The following DYSF variants were observed in gnomAD, a reference collection of about 807,000 sequenced individuals.
The protein encoded by DYSF is dysferlin.
DYSF carries 212 observed loss-of-function variants against 274.9 expected under a neutral mutation model. The ratio of observed to expected loss-of-function variants is 0.77; its 90% confidence interval spans 0.69 to 0.86. The LOEUF is 0.86. DYSF is among the 40% of genes least tolerant of loss of function. The probability of loss-of-function intolerance (pLI) is 0.00; values close to 1 mark genes in which losing one functional copy is unlikely to be tolerated. For missense variants in DYSF, 2,666 were observed against 2,783.2 expected (o/e 0.96, Z 0.95); for synonymous variants, 1,091 against 1,078.7 (o/e 1.01, Z -0.22).
At position 71,480,818 on chromosome 2, in the gene DYSF, C is replaced by T. The variant is rs2082819991; in HGVS notation, c.92-65C>T. On this transcript the variant is annotated intron_variant, in intron 1 of 55. Transcript: ENST00000410020. ...TGAAGCACAGGTCTCAGAAGCTGAG[C>T]CTAACTCAGCGGAAGGTGAAAGGCG... The T allele has an allele frequency of 2.8e-6, 4 of 1,452,354 alleles. No individual in the cohort carries two copies. The South Asian group carries it at 3.4e-5, about 12-fold the overall frequency. The allele number at this position is 1,452,354 out of a possible 1,614,324, so 90.0% of individuals were successfully genotyped here. A position where few individuals can be genotyped will look rare whatever the true frequency, so the allele number is the denominator to read the frequency against.
At chr2:71,653,420 A>C (rs1033187103) in intron 42 of DYSF, among the ~76,000 whole-genome samples, 6 of 152,124 alleles carry the variant, frequency 3.9e-5, no homozygotes, top group Non-Finnish European at 1.5e-5. Flanking sequence ...CAAATGTCCA[A>C]CAATGATAGA....
At chr2:71,614,716 C>T (rs939946329) in intron 40 of DYSF, among the ~76,000 whole-genome samples, 4 of 152,224 alleles carry the variant, frequency 2.6e-5, no homozygotes, top group African/African-American at 7.2e-5. Context: ...CACAAGGCCT[C>T]GCTTAGCGGA....
At chr2:71,501,831 G>A (rs1376683046) in intron 3 of DYSF, among the ~76,000 whole-genome samples, 1 of 152,082 alleles carries the variant, frequency 6.6e-6, no homozygotes, top group East Asian at 1.9e-4. Flanking sequence ...ACACCTCTTG[G>A]CTATTGTGAA....
chr2:71,586,697 G>C (rs1367278144), intron 30 of DYSF, among the ~76,000 whole-genome samples: 1 of 152,010 alleles, frequency 6.6e-6, no homozygotes, highest in African/African-American at 2.4e-5. Flanking sequence ...GCCCAGTGAG[G>C]GGGGCCATCT....
At chr2:71,463,453 A>C (rs891125038), upstream of DYSF, among the ~76,000 whole-genome samples, 6 of 152,004 alleles carry the variant, frequency 3.9e-5, no homozygotes, top group African/African-American at 1.4e-4. Context: ...TGGGGCTCCC[A>C]CCCCACCAAC....
intron 14 of DYSF, among the ~76,000 whole-genome samples, chr2:71,529,318 C>T (rs2088372822): frequency 6.6e-6 from 1 of 152,204 alleles, no homozygotes; most frequent in Non-Finnish European, 1.5e-5. Context: ...TAGCTCTTTC[C>T]AGGAGCATTC....
intron 1 of DYSF, among the ~76,000 whole-genome samples, chr2:71,457,756 G>A (rs763425969): frequency 9.2e-5 from 14 of 152,178 alleles, no homozygotes; most frequent in Non-Finnish European, 1.9e-4. Flanking sequence ...CTCTCGTTCC[G>A]GGCAAGCTCA....
chr2:71,583,932 T>C (rs756351870), intron 30 of DYSF, among the ~76,000 whole-genome samples: 1 of 152,158 alleles, frequency 6.6e-6, no homozygotes, highest in Non-Finnish European at 1.5e-5. Context: ...CATATTCCTA[T>C]GCTCAGGCTC....
intron 1 of DYSF, among the ~76,000 whole-genome samples, chr2:71,459,131 C>T (rs1412695603): frequency 6.6e-6 from 1 of 152,194 alleles, no homozygotes; most frequent in Non-Finnish European, 1.5e-5. Context: ...ATCTATACTT[C>T]CGGAAGCCTT....
chr2:71,523,881 G>C (rs529402564), intron 12 of DYSF, among the ~76,000 whole-genome samples: 3 of 152,058 alleles, frequency 2.0e-5, no homozygotes, highest in Non-Finnish European at 4.4e-5. Context: ...AGAATCACGC[G>C]TGTCTCCTCT....
intron 5 of DYSF, among the ~76,000 whole-genome samples, chr2:71,512,330 GC>G (rs1413961723): frequency 6.6e-6 from 1 of 152,236 alleles, no homozygotes; most frequent in Non-Finnish European, 1.5e-5. Flanking sequence ...CACCCAGCAG[GC>G]CTTTGGTGAT....
At chr2:71,672,027 G>C (rs1573117355) in intron 51 of DYSF, among the ~76,000 whole-genome samples, 1 of 152,156 alleles carries the variant, frequency 6.6e-6, no homozygotes, top group African/African-American at 2.4e-5. Flanking sequence ...GGGAGGGAAG[G>C]CCAGAGGGGA....
rs1478400606 is a variant in DYSF at position 71,611,254 on chromosome 2, A to G, written c.3967A>G (p.Thr1323Ala). 1 of 1,613,616 alleles carries G rather than the reference A, an allele frequency of 6.2e-7. No individual in the cohort carries two copies. Among genetic ancestry groups the G allele is most frequent in the East Asian group, 2.2e-5 (1 of 44,860 alleles). ...CTGCTGTCCACTGCAGTCTGAGGAC[A>G]CAGACCTGCCCTACCCACCACCCCA... ...TSRILDESED[T>A]DLPYPPPQRE... The change falls in exon 37 of 56, where the codon ACA becomes GCA. Residue 1323 changes from threonine to alanine, a missense_variant. Thr to Ala is a moderately conservative substitution (Grantham distance 58). This residue lies in a region of DYSF where 1,460 missense variants were observed against 1,502.1 expected (regional missense o/e 0.97). Transcript: ENST00000410020.
At chr2:71,527,715 A>G (rs891463729) in intron 13 of DYSF, among the ~76,000 whole-genome samples, 4 of 152,206 alleles carry the variant, frequency 2.6e-5, no homozygotes, top group Non-Finnish European at 5.9e-5. Flanking sequence ...ACCCACTCAT[A>G]TGTCTGTAAA....
intron 25 of DYSF, 33 bp downstream of exon 25, chr2:71,568,115 C>T (rs2092215718): frequency 6.2e-7 from 1 of 1,614,222 alleles, no homozygotes; most frequent in South Asian, 1.1e-5. Flanking sequence ...CTCTGCCTCC[C>T]ACTACCTGGA....
chr2:71,596,544 A>G (rs1440257497), intron 32 of DYSF, among the ~76,000 whole-genome samples: 1 of 152,128 alleles, frequency 6.6e-6, no homozygotes, highest in Middle Eastern at 3.2e-3. Context: ...AGACGGTTTC[A>G]TTAAATGCAC....
chr2:71,631,621 A>AG (rs986724854), intron 41 of DYSF, among the ~76,000 whole-genome samples: 1 of 152,130 alleles, frequency 6.6e-6, no homozygotes, highest in African/African-American at 2.4e-5. Flanking sequence ...GGGGGAGGCG[A>AG]GGGGAGGGAA....
At chr2:71,526,701 C>T (rs2087961699) in intron 13 of DYSF, among the ~76,000 whole-genome samples, 1 of 152,244 alleles carries the variant, frequency 6.6e-6, no homozygotes, top group Non-Finnish European at 1.5e-5. Context: ...TGTGAGGAAG[C>T]CCGTCCTGCT....
intron 4 of DYSF, among the ~76,000 whole-genome samples, chr2:71,506,223 T>G (rs1573586661): frequency 6.6e-6 from 1 of 152,010 alleles, no homozygotes; most frequent in Non-Finnish European, 1.5e-5. Flanking sequence ...CATGGCAGGG[T>G]GGGCGAAGGA....
Sources: allele counts gnomAD v4.1 joint callset (sites outside exome capture counted in the v4.1 genomes callset), GRCh38; gene constraint gnomAD v4.1.1; regional missense constraint gnomAD v4.1.1; transcripts MANE v1.5; gene names NCBI Gene and HGNC (gene_info 2026-07-23, HGNC 2026-07-21).